Variants in AFF2 observed in about 807,000 individuals in gnomAD.
AFF2 encodes the protein ALF transcription elongation factor 2, also known as AF4/FMR2 family member 2.
Under a neutral mutation model 76.9 loss-of-function variants are expected in AFF2, and 14 were observed. That is an observed-to-expected ratio of 0.18 (90% CI 0.12 to 0.28). The LOEUF (loss-of-function observed/expected upper bound fraction) is 0.28. Among genes scored for constraint, AFF2 ranks in the 10% least tolerant of loss-of-function variants. The pLI is 1.00. For synonymous variants in AFF2, 398 were observed against 366.7 expected, an observed-to-expected ratio of 1.09 and a Z score of -0.98; for missense variants, 868 against 1,001.1, an observed-to-expected ratio of 0.87 and a Z score of 1.79.
rs782050346 is a variant in AFF2, at chrX:148,503,270, T to C, written c.47+2126T>C. Among the ~76,000 whole-genome samples the C allele has an allele frequency of 2.7e-5, 3 of 111,929 alleles. No homozygotes were observed. In the East Asian group the frequency reaches 8.4e-4, roughly 31 times the overall value. ...AAAAGGAACATAAATGTGACAATAGTGGATGAACTAAAAAGCTTGACATTG... is the reference window on the plus strand; with the variant it reads ...AAAAGGAACATAAATGTGACAATAGCGGATGAACTAAAAAGCTTGACATTG... On this transcript the variant is annotated intron_variant, in intron 1 of 20. Coordinates refer to ENST00000370460, the MANE Select transcript of AFF2 (RefSeq NM_002025.4).
At chrX:148,970,104 G>C (rs1469664468) in intron 15 of AFF2, among the ~76,000 whole-genome samples, 9 of 111,878 alleles carry the variant, frequency 8.0e-5, no homozygotes, top group Non-Finnish European at 1.5e-4. Flanking sequence ...GGAGCCAGAT[G>C]ACCTAAGGAA....
rs184491116 is a variant in AFF2, at chrX:148,536,014, G to C, written c.47+34870G>C. 2.7e-5 allele frequency among the ~76,000 whole-genome samples: 3 copies of C among 110,991 alleles called. No individual in the cohort carries two copies. The Admixed American group carries it at 2.9e-4, about 11-fold the overall frequency. ...AGGCAGGCGGATCACCAGGTCAAGA[G>C]ATTGAGACCATCTGGCCAACATGGT... On this transcript the variant is annotated intron_variant, in intron 1 of 20. Transcript: ENST00000370460.
chrX:148,889,496 A>G (rs1557279477), intron 8 of AFF2, among the ~76,000 whole-genome samples: 1 of 112,613 alleles, frequency 8.9e-6, no homozygotes, highest in Non-Finnish European at 1.9e-5. Context: ...CATTTTTAAC[A>G]GAAGATTTTA....
At chrX:148,828,019 G>A (rs1403532163) in intron 4 of AFF2, among the ~76,000 whole-genome samples, 3 of 53,328 alleles carry the variant, frequency 5.6e-5, no homozygotes, top group African/African-American at 1.1e-4. Context: ...CTTTTGAAGT[G>A]ACTGTGAAAG....
intron 1 of AFF2, among the ~76,000 whole-genome samples, chrX:148,646,499 A>T (rs1557255438): frequency 9.0e-6 from 1 of 111,607 alleles, no homozygotes; most frequent in Admixed American, 9.5e-5. Context: ...TAGTCCCAAG[A>T]TGCTCCTACA....
chrX:148,859,624 TAA>T (rs1481404989), intron 7 of AFF2, among the ~76,000 whole-genome samples: 2 of 110,758 alleles, frequency 1.8e-5, no homozygotes, highest in African/African-American at 3.3e-5. Flanking sequence ...GAATAAAAAT[TAA>T]GTTTTTATGA....
rs368480543 is a variant in AFF2, at chrX:148,956,507, C to A, written c.2462C>A (p.Ala821Glu). 3 of 1,211,841 alleles carry A rather than the reference C, an allele frequency of 2.5e-6. No homozygotes were observed. In the African/African-American group the frequency reaches 5.2e-5, roughly 21 times the overall value. ...SRVPGHSSLH[A>E]APAKPDHKET... The stretch of plus-strand genomic sequence containing the variant: ...GTACCTGGCCACAGCTCACTCCATG[C>A]AGCACCTGCCAAGCCAGACCACAAG... The change falls in exon 11 of 21, where the codon GCA becomes GAA. Residue 821 changes from alanine (A) to glutamate (E), a missense_variant. Ala to Glu is a moderately radical substitution (Grantham distance 107). Around this residue, in one of 6 missense-constraint regions of AFF2, gnomAD observed 532 missense variants for 564.2 expected, o/e 0.94. Transcript: ENST00000370460.
At chrX:148,708,290 A>C (rs998194467) in intron 3 of AFF2, among the ~76,000 whole-genome samples, 5 of 112,139 alleles carry the variant, frequency 4.5e-5, no homozygotes, top group African/African-American at 1.6e-4. Context: ...TCATGGAATA[A>C]AAAGGAGCTA....
chrX:148,523,436 A>G (rs950278614), intron 1 of AFF2, among the ~76,000 whole-genome samples: 5 of 112,145 alleles, frequency 4.5e-5, no homozygotes, highest in South Asian at 3.7e-4. Flanking sequence ...TTGTTAATCT[A>G]TTTTCATTAT....
chrX:148,595,566 A>T (rs1313141262), intron 1 of AFF2, among the ~76,000 whole-genome samples: 1 of 112,520 alleles, frequency 8.9e-6, no homozygotes, highest in Non-Finnish European at 1.9e-5. Flanking sequence ...TTAAGGTTGG[A>T]TTAGTGATAT....
At chrX:148,720,505 G>T (rs1390722814) in intron 3 of AFF2, among the ~76,000 whole-genome samples, 1 of 109,843 alleles carries the variant, frequency 9.1e-6, no homozygotes, top group Non-Finnish European at 1.9e-5. Flanking sequence ...ATTTATAGTT[G>T]GTGCTCCATA....
Position 148,662,236 on chromosome X carries a change from T to C in AFF2, c.509T>C (p.Leu170Pro). Reference sequence around the variant, plus strand: ...GATAGTCATAACCCTAGCACTGTACTGGCAAGCCAGGCCAGTGGTCAGCCA... The same window carrying C: ...GATAGTCATAACCCTAGCACTGTACCGGCAAGCCAGGCCAGTGGTCAGCCA... ...SRDSHNPSTV[L>P]ASQASGQPNK... The change falls in exon 3 of 21, where the codon CTG (leucine) becomes CCG (proline). Residue 170 changes from leucine to proline, a missense_variant. Around this residue, in one of 6 missense-constraint regions of AFF2, gnomAD observed 196 missense variants for 194.8 expected, o/e 1.01. Coordinates refer to ENST00000370460, the MANE Select transcript of AFF2 (RefSeq NM_002025.4). 1 of 1,211,845 alleles carries C rather than the reference T, an allele frequency of 8.3e-7. No individual in the cohort carries two copies. The highest frequency in any genetic ancestry group is 1.1e-6 in the Non-Finnish European group (1 of 895,570).
intron 1 of AFF2, among the ~76,000 whole-genome samples, chrX:148,650,270 A>G (rs879975722): frequency 9.0e-6 from 1 of 111,345 alleles, no homozygotes; most frequent in African/African-American, 3.3e-5. Context: ...ACACACAACA[A>G]TTGTTTGGGG....
rs1557257966 is a variant in AFF2 at position 148,662,563 on chromosome X, G to T, written c.836G>T (p.Ser279Ile). 2.5e-6 allele frequency: 3 copies of T among 1,211,549 alleles called. No homozygotes were observed. The highest frequency in any genetic ancestry group is 3.4e-6 in the Non-Finnish European group (3 of 895,471). ...CCACCAGGGCTTTACTGCAAAACAAGCATGGGGCAGCAAAAGCCAACTGCA... is the reference window on the plus strand; with the variant it reads ...CCACCAGGGCTTTACTGCAAAACAATCATGGGGCAGCAAAAGCCAACTGCA... Reference protein sequence around the residue: ...NFPPGLYCKTSMGQQKPTAYV... With the variant: ...NFPPGLYCKTIMGQQKPTAYV... The change falls in exon 3 of 21, where the codon AGC becomes ATC. Residue 279 changes from serine (S) to isoleucine (I), a missense_variant. Transcript: ENST00000370460.
At chrX:148,663,649 C>G (rs2054330517) in intron 3 of AFF2, among the ~76,000 whole-genome samples, 1 of 112,235 alleles carries the variant, frequency 8.9e-6, no homozygotes, top group South Asian at 3.7e-4. Context: ...TGGAAGAAGC[C>G]ACTGCCTTTA....
intron 3 of AFF2, among the ~76,000 whole-genome samples, chrX:148,723,686 T>G (rs782388326): frequency 9.0e-6 from 1 of 110,841 alleles, no homozygotes; most frequent in East Asian, 2.9e-4. Context: ...ATGCCTTGAC[T>G]GGAAAGATGA....
At chrX:148,525,553 T>G (rs2052648939) in intron 1 of AFF2, among the ~76,000 whole-genome samples, 1 of 111,792 alleles carries the variant, frequency 8.9e-6, no homozygotes. Flanking sequence ...AATAGAAGAC[T>G]TCATAAATAC....
In AFF2 at chrX:148,885,954, C is replaced by T; in HGVS notation, c.1328C>T (p.Thr443Ile). The change falls in exon 8 of 21, where the codon ACC (threonine) becomes ATC (isoleucine). Residue 443 changes from threonine to isoleucine, a missense_variant. By Grantham distance (89) the Thr-to-Ile change is moderately conservative. Coordinates refer to ENST00000370460, the MANE Select transcript of AFF2 (RefSeq NM_002025.4). ...EDDLEPVKTL[T>I]TQCTATELYQ... ...GACCTTGAGCCTGTGAAGACCTTGA[C>T]CACTCAGTGCACTGCCACTGAGCTC... 1 of 1,209,270 alleles carries T rather than the reference C, an allele frequency of 8.3e-7. No individual in the cohort carries two copies. Among genetic ancestry groups the T allele is most frequent in the Non-Finnish European group, 1.1e-6 (1 of 893,575 alleles).
chrX:148,593,000 G>A (rs1230922489), intron 1 of AFF2, among the ~76,000 whole-genome samples: 2 of 111,588 alleles, frequency 1.8e-5, no homozygotes, highest in East Asian at 5.7e-4. Context: ...TTATAATTTA[G>A]TTCAGAACCT....
Sources: allele counts gnomAD v4.1 joint callset (sites outside exome capture counted in the v4.1 genomes callset), GRCh38; gene constraint gnomAD v4.1.1; regional missense constraint gnomAD v4.1.1; transcripts MANE v1.5; gene names NCBI Gene and HGNC (gene_info 2026-07-23, HGNC 2026-07-21).